Variants in DPEP3 observed in about 807,000 individuals in gnomAD.
DPEP3 encodes the protein membrane-bound dipeptidase 3.
A neutral mutation model predicts 47.5 loss-of-function variants in DPEP3; 42 were observed. That is an observed-to-expected ratio of 0.88 (90% CI 0.69 to 1.14). The LOEUF (loss-of-function observed/expected upper bound fraction) is 1.14, where lower values mean the gene tolerates loss of function less well. DPEP3 is among the 50% of genes most tolerant of loss of function. The pLI, the probability that DPEP3 is intolerant of heterozygous loss-of-function variation, is 0.00. For synonymous variants in DPEP3, 276 were observed against 270.2 expected (o/e 1.02, Z -0.21); for missense variants, 560 against 635.0 (o/e 0.88, Z 1.27).
intron 2 of DPEP3, 34 bp downstream of exon 2, chr16:67,979,605 C>G: frequency 6.2e-7 from 1 of 1,610,742 alleles, no homozygotes; most frequent in Non-Finnish European, 8.5e-7. Context: ...CCCCCAGCAG[C>G]CATGCTGTGG....
chr16:67,978,128 G>T lies in DPEP3; in HGVS notation c.687-121C>A. ...ACAGGTGCAGAACCAGCTGCTTTCT[G>T]GGATTGTGAGGGACCCACTGGGTGT... On this transcript the variant is annotated intron_variant, in intron 4 of 9. Transcript: ENST00000268793. The surrounding 1 kb of genome is among the most constrained non-coding windows in gnomAD (Gnocchi z 4.4). 6.4e-7 allele frequency: 1 copy of T among 1,568,246 alleles called. No individual in the cohort carries two copies.
In DPEP3 at chr16:67,979,851, C is replaced by T. The variant is rs1034300635; in HGVS notation, c.288-86G>A. The T allele has an allele frequency of 3.2e-6, 5 of 1,550,908 alleles. No individual in the cohort carries two copies. In the African/African-American group the frequency reaches 6.8e-5, roughly 21 times the overall value. On this transcript the variant is annotated intron_variant, in intron 1 of 9. Coordinates refer to ENST00000268793, the MANE Select transcript of DPEP3 (RefSeq NM_001370198.1). ...CTTGGGTCTACCCTCCTCCACCCCA[C>T]CAGGCACCTCCTCACACAGACCATA...
Position 67,978,335 on chromosome 16 carries a change from A to G in DPEP3, c.618T>C (p.Ser206=). The change falls in exon 4 of 10, where the codon TCT becomes TCC. Residue 206 remains serine (S), a synonymous_variant. Transcript: ENST00000268793. The surrounding 1 kb of genome is among the most constrained non-coding windows in gnomAD (Gnocchi z 4.4). ...CCAGCACATAGAAACTGCGCAGCAC[A>G]GAGAGGCTGCTGTCCAGTGAGTGAC... ...EGGHSLDSSL[S]VLRSFYVLGV... 1 of 1,614,136 alleles carries G rather than the reference A, an allele frequency of 6.2e-7. No individual in the cohort carries two copies. Among genetic ancestry groups the G allele is most frequent in the Non-Finnish European group, 8.5e-7 (1 of 1,179,982 alleles).
intron 7 of DPEP3, 128 bp from the exon 8 acceptor site, chr16:67,976,903 C>T (rs1371534660): frequency 2.3e-5 from 18 of 772,844 alleles, no homozygotes; most frequent in East Asian, 1.3e-4. Context: ...AGTCCTGAAG[C>T]GGGTACAGGC....
rs1405171064 is a variant in DPEP3, at chr16:67,978,408, C to A, written c.545G>T (p.Gly182Val). 6.2e-7 allele frequency: 1 copy of A among 1,614,004 alleles called. No individual in the cohort carries two copies. The highest frequency in any genetic ancestry group is 2.2e-5 in the East Asian group (1 of 44,886). Residue 182 changes from glycine (G) to valine (V), a missense_variant and splice_region_variant, in exon 4 of 10, where the codon GGT (glycine) becomes GTT (valine). Physicochemically the swap from Gly to Val is moderately radical, Grantham distance 109. Transcript: ENST00000268793. The surrounding 1 kb of genome is among the most constrained non-coding windows in gnomAD (Gnocchi z 4.4). ...GGCCAGCTTTTGAGAGCTGTTCAGACCTAGAAGGAGGTAGAGAGTCAAGTG... is the reference window on the plus strand; with the variant it reads ...GGCCAGCTTTTGAGAGCTGTTCAGAACTAGAAGGAGGTAGAGAGTCAAGTG... Reference protein sequence around the residue: ...SELELVTSAEGLNSSQKLACL... With the variant: ...SELELVTSAEVLNSSQKLACL...
In DPEP3 at chr16:67,980,099, C is replaced by T. The variant is rs1434029119; in HGVS notation, c.282G>A (p.Val94=). 6.2e-7 allele frequency: 1 copy of T among 1,610,590 alleles called. No individual in the cohort carries two copies. The highest frequency in any genetic ancestry group is 1.1e-5 in the South Asian group (1 of 90,606). ...AQALMRSFPL[V]DGHNDLPQVL... Reference sequence around the variant, plus strand: ...CAAACGCTGCACCTACATACCCGTCCACGAGTGGGAAACTCCGCATCAGGG... The same window carrying T: ...CAAACGCTGCACCTACATACCCGTCTACGAGTGGGAAACTCCGCATCAGGG... The change falls in exon 1 of 10, where the codon GTG becomes GTA. Residue 94 remains valine, a synonymous_variant. Transcript: ENST00000268793.
intron 6 of DPEP3, 54 bp from the exon 7 acceptor site, chr16:67,977,408 C>T (rs2031220587): frequency 6.4e-7 from 1 of 1,560,742 alleles, no homozygotes; most frequent in Non-Finnish European, 8.8e-7. Flanking sequence ...GAACATGCCT[C>T]CTGTGCTGTG....
chr16:67,980,192 G>A lies in DPEP3; in HGVS notation c.189C>T (p.Ala63=). The part of the protein sequence containing the change: ...SLFTTPGVPS[A]LTTPGLTTPG... Reference sequence around the variant, plus strand: ...GCGTAGTGAGGCCTGGGGTAGTGAGGGCGCTGGGGACACCCGGCGTGGTGA... The same window carrying A: ...GCGTAGTGAGGCCTGGGGTAGTGAGAGCGCTGGGGACACCCGGCGTGGTGA... The change falls in exon 1 of 10, where the codon GCC becomes GCT. Residue 63 remains alanine (A), a synonymous_variant. Coordinates refer to ENST00000268793, the MANE Select transcript of DPEP3 (RefSeq NM_001370198.1). 3.7e-6 allele frequency: 6 copies of A among 1,610,852 alleles called. No homozygotes were observed. Among genetic ancestry groups the A allele is most frequent in the Non-Finnish European group, 5.1e-6 (6 of 1,178,532 alleles).
intron 7 of DPEP3, 118 bp downstream of exon 7, chr16:67,977,152 T>C: frequency 1.2e-6 from 1 of 833,074 alleles, no homozygotes; most frequent in Non-Finnish European, 1.9e-6. Context: ...CTGCTGCCTC[T>C]GGGTCGTTGG....
At chr16:67,977,129 T>A in intron 7 of DPEP3, 141 bp downstream of exon 7, 1 of 709,198 alleles carries the variant, frequency 1.4e-6, no homozygotes, top group Non-Finnish European at 2.4e-6. Context: ...TGGGTGGCAC[T>A]GAAGAGCTGT....
chr16:67,977,458 G>T, intron 6 of DPEP3, 104 bp from the exon 7 acceptor site: 2 of 1,327,628 alleles, frequency 1.5e-6, no homozygotes, highest in Non-Finnish European at 2.1e-6. Flanking sequence ...GGCTTCAGGG[G>T]TTGGAAGAGG....
Position 67,978,602 on chromosome 16 carries a change from G to A in DPEP3, c.439C>T (p.Gln147Ter), listed in dbSNP as rs763544336. Residue 147 changes from glutamine (Q) to a stop codon, truncating the protein, a stop_gained, in exon 3 of 10, where the codon CAG becomes TAG. Coordinates refer to ENST00000268793, the MANE Select transcript of DPEP3 (RefSeq NM_001370198.1). LOFTEE classifies it high-confidence loss of function. The surrounding 1 kb of genome is among the most constrained non-coding windows in gnomAD (Gnocchi z 4.4). ...CGCACGGCAGTCTGGTCCTGGGACT[G>A]GCATGAGACGGAGGCTGACCAGAAC... ...AQFWSASVSC[Q>*]SQDQTAVRLA... 6.2e-7 allele frequency: 1 copy of A among 1,613,742 alleles called. No homozygotes were observed. Among genetic ancestry groups the A allele is most frequent in the African/African-American group, 1.3e-5 (1 of 74,870 alleles).
chr16:67,979,285 G>A (rs537990157), intron 2 of DPEP3, among the ~76,000 whole-genome samples: 6 of 152,286 alleles, frequency 3.9e-5, no homozygotes, highest in South Asian at 2.1e-4. Flanking sequence ...CAGCCTGGGC[G>A]ACAGAAGGAG....
At chr16:67,979,617 A>G in intron 2 of DPEP3, 22 bp downstream of exon 2, 1 of 1,612,546 alleles carries the variant, frequency 6.2e-7, no homozygotes, top group Non-Finnish European at 8.5e-7. Flanking sequence ...ATGCTGTGGC[A>G]CCCTGTGTGT....
Position 67,980,391 on chromosome 16 carries a change from G to A in DPEP3, c.-11C>T. ...GCCCGTGGGCTGCATGTTGCGCGGG[G>A]GTCGGCCGCGGGAGCCTGGGAGGAG... On this transcript the variant is annotated 5_prime_UTR_variant, in exon 1 of 10. Coordinates refer to ENST00000268793, the MANE Select transcript of DPEP3 (RefSeq NM_001370198.1). 1 of 1,510,656 alleles carries A rather than the reference G, an allele frequency of 6.6e-7. No homozygotes were observed. Among genetic ancestry groups the A allele is most frequent in the Non-Finnish European group, 8.9e-7 (1 of 1,129,692 alleles). The allele number at this position is 1,510,656 out of a possible 1,614,324, so 93.6% of individuals were successfully genotyped here.
chr16:67,975,719 G>A lies in DPEP3; in HGVS notation c.*46C>T, dbSNP rs747999383. ...GCTTGTGAATGAACTAGGAGAGGGG[G>A]CTTTGTGAGGCTTTGCCACAGTGAC... is the stretch of plus-strand genomic sequence containing the variant. On this transcript the variant is annotated 3_prime_UTR_variant, in exon 10 of 10. Transcript: ENST00000268793. The A allele has an allele frequency of 5.9e-6, 9 of 1,529,064 alleles. No individual in the cohort carries two copies. The highest frequency in any genetic ancestry group is 1.4e-5 in the African/African-American group (1 of 73,104). The allele number at this position is 1,529,064 out of a possible 1,614,324, so 94.7% of individuals were successfully genotyped here. A position where few individuals can be genotyped will look rare whatever the true frequency, so the allele number is the denominator to read the frequency against.
chr16:67,979,678 G>A lies in DPEP3; in HGVS notation c.375C>T (p.Thr125=), dbSNP rs777936412. ...GGCCGTCTCTAAGCCTGTCCAGGCT[G>A]GTCTGACCATGGCTGAAATTTCGCA... is the stretch of plus-strand genomic sequence containing the variant. ...VNLRNFSHGQ[T]SLDRLRDGLV... The change falls in exon 2 of 10, where the codon ACC becomes ACT. Residue 125 remains threonine (T), a synonymous_variant. Transcript: ENST00000268793. The A allele has an allele frequency of 6.2e-7, 1 of 1,614,018 alleles. No homozygotes were observed. Among genetic ancestry groups the A allele is most frequent in the Non-Finnish European group, 8.5e-7 (1 of 1,180,022 alleles).
Position 67,980,164 on chromosome 16 carries a change from C to G in DPEP3, c.217G>C (p.Gly73Arg). 6.2e-7 allele frequency: 1 copy of G among 1,612,302 alleles called. No homozygotes were observed. The highest frequency in any genetic ancestry group is 8.5e-7 in the Non-Finnish European group (1 of 1,179,240). The change falls in exon 1 of 10, where the codon GGC (glycine) becomes CGC (arginine). Residue 73 changes from glycine to arginine, a missense_variant. Gly to Arg is a moderately radical substitution (Grantham distance 125). Transcript: ENST00000268793. ...CGAAGGTCCAGGGTTTTGGGGGTGC[C>G]TGGCGTAGTGAGGCCTGGGGTAGTG... Reference protein sequence around the residue: ...ALTTPGLTTPGTPKTLDLRGR... With the variant: ...ALTTPGLTTPRTPKTLDLRGR...
At chr16:67,979,069 C>G (rs1365986923) in intron 2 of DPEP3, among the ~76,000 whole-genome samples, 1 of 152,122 alleles carries the variant, frequency 6.6e-6, no homozygotes, top group East Asian at 1.9e-4. Flanking sequence ...CTGTGGGAGG[C>G]CGAGGAGGGT....
Sources: gnomAD v4.1 joint callset for allele counts (sites outside exome capture counted in the v4.1 genomes callset) on GRCh38, gnomAD v4.1.1 for gene constraint, Gnocchi (gnomAD v3.1) non-coding constraint, MANE v1.5 for transcripts, NCBI Gene and HGNC (gene_info 2026-07-23, HGNC 2026-07-21) for gene names.